The following QSOX2 variants were observed in gnomAD, a reference collection of about 807,000 sequenced individuals.
QSOX2 encodes quiescin sulfhydryl oxidase 2.
QSOX2 carries 46 observed loss-of-function variants against 61.7 expected under a neutral mutation model. That is an observed-to-expected ratio of 0.75 (90% CI 0.59 to 0.95). QSOX2 has a LOEUF of 0.95. QSOX2 is among the 40% of genes least tolerant of loss of function. QSOX2 has a pLI of 0.00. For missense variants in QSOX2, 879 were observed against 918.9 expected, an observed-to-expected ratio of 0.96 and a Z score of 0.56; for synonymous variants, 383 against 388.4, an observed-to-expected ratio of 0.99 and a Z score of 0.16.
At chr9:136,218,582 G>C in intron 8 of QSOX2, 97 bp downstream of exon 8, 1 of 1,411,722 alleles carries the variant, frequency 7.1e-7, no homozygotes, top group Non-Finnish European at 9.5e-7. Context: ...CACCTCAGCG[G>C]AGCTGGCGGA....
At position 136,211,347 on chromosome 9, in the gene QSOX2, T is replaced by C. The variant is rs1265090787; in HGVS notation, c.1466A>G (p.Glu489Gly). 6.2e-7 allele frequency: 1 copy of C among 1,614,066 alleles called. No homozygotes were observed. The highest frequency in any genetic ancestry group is 8.5e-7 in the Non-Finnish European group (1 of 1,180,050). ...TGGGGTTTTCACCGAGTCCATGGAT[T>C]CTTTAGCCATTTCCTCAAAGTGCTC... ...CGEHFEEMAK[E>G]SMDSVKTPDQ... is the part of the protein sequence containing the mutation. Residue 489 changes from glutamate to glycine, a missense_variant, in exon 11 of 12, where the codon GAA becomes GGA. By Grantham distance (98) the Glu-to-Gly change is moderately conservative (BLOSUM62 -2). Transcript: ENST00000358701.
In QSOX2 at chr9:136,207,221, CA is replaced by C. The variant is rs1831776272; in HGVS notation, c.*1506del. On this transcript the variant is annotated 3_prime_UTR_variant, in exon 12 of 12. Coordinates refer to ENST00000358701, the MANE Select transcript of QSOX2 (RefSeq NM_181701.4). ...AGAATCAGCTGTTGCCTTTTTTTCT[CA>C]AGCGACAACAATCACATCAATATTA... 1 of 152,238 alleles carries C rather than the reference CA, an allele frequency of 6.6e-6. No individual in the cohort carries two copies. Among genetic ancestry groups the C allele is most frequent in the Non-Finnish European group, 1.5e-5 (1 of 68,020 alleles). 9.4% of individuals were successfully genotyped at this position (152,238 alleles called of 1,614,324 possible).
At chr9:136,216,448 GCCA>G in intron 9 of QSOX2, 149 bp downstream of exon 9, 1 of 1,047,334 alleles carries the variant, frequency 9.5e-7, no homozygotes. Context: ...GGAGGCCATG[GCCA>G]TGATGCTGTC....
intron 11 of QSOX2, chr9:136,210,035 G>T (rs1223604010): frequency 3.0e-6 from 3 of 985,310 alleles, no homozygotes; most frequent in Admixed American, 6.1e-5. Flanking sequence ...TTGTCTGGGG[G>T]ACTTGAGACG....
At chr9:136,216,179 C>T (rs1439538930) in intron 9 of QSOX2, among the ~76,000 whole-genome samples, 1 of 152,196 alleles carries the variant, frequency 6.6e-6, no homozygotes, top group South Asian at 2.1e-4. Flanking sequence ...GGACGGAGTG[C>T]CAGGACCTCT....
At chr9:136,210,646 C>T in intron 11 of QSOX2, 1 of 985,446 alleles carries the variant, frequency 1.0e-6, no homozygotes, top group Non-Finnish European at 1.2e-6. Context: ...TTCTTTAGTG[C>T]TTCAGCTGTA....
At chr9:136,236,513 C>T (rs975608769) in intron 1 of QSOX2, among the ~76,000 whole-genome samples, 3 of 152,244 alleles carry the variant, frequency 2.0e-5, no homozygotes, top group African/African-American at 4.8e-5. Context: ...GAAGAGCCAG[C>T]GCTGCAGCAT....
intron 1 of QSOX2, among the ~76,000 whole-genome samples, chr9:136,231,639 G>A (rs1038029209): frequency 9.2e-5 from 14 of 152,220 alleles, no homozygotes; most frequent in Non-Finnish European, 1.9e-4. Context: ...CGGCAGAAGG[G>A]CAGTGCCCCT....
At chr9:136,245,293 C>G (rs1024732314) in intron 1 of QSOX2, among the ~76,000 whole-genome samples, 183 bp downstream of exon 1, 3 of 152,184 alleles carry the variant, frequency 2.0e-5, no homozygotes, top group Non-Finnish European at 2.9e-5. Flanking sequence ...CTTAGTCTCC[C>G]GCCCCTGGAA....
chr9:136,227,089 TCA>T (rs1425383636), intron 1 of QSOX2, among the ~76,000 whole-genome samples: 8 of 152,200 alleles, frequency 5.3e-5, no homozygotes, highest in African/African-American at 1.9e-4. Context: ...CCACAGATAG[TCA>T]CAGAACAAGC....
rs1741069107 is a variant in QSOX2, at chr9:136,221,796, A to G, written c.821T>C (p.Val274Ala). The G allele has an allele frequency of 6.3e-7, 1 of 1,598,192 alleles. No individual in the cohort carries two copies. Among genetic ancestry groups the G allele is most frequent in the African/African-American group, 1.3e-5 (1 of 74,512 alleles). ...TCCCAGACCCCACCCGGGCACTCACACGTTAATCAATCCATGCGACCCATT... is the reference window on the plus strand; with the variant it reads ...TCCCAGACCCCACCCGGGCACTCACGCGTTAATCAATCCATGCGACCCATT... ...YPNGSHGLIN[V>A]VKPLRAFFSS... is the part of the protein sequence containing the mutation. The change falls in exon 6 of 12, where the codon GTC becomes GCC. Residue 274 changes from valine (V) to alanine (A), a missense_variant and splice_region_variant. Physicochemically the swap from Val to Ala is moderately conservative, Grantham distance 64. Coordinates refer to ENST00000358701, the MANE Select transcript of QSOX2 (RefSeq NM_181701.4). The surrounding 1 kb of genome is among the most constrained non-coding windows in gnomAD (Gnocchi z 4.5).
intron 1 of QSOX2, among the ~76,000 whole-genome samples, chr9:136,239,570 G>T (rs936790850): frequency 6.6e-6 from 1 of 152,196 alleles, no homozygotes; most frequent in Non-Finnish European, 1.5e-5. Flanking sequence ...AATTCATCCC[G>T]GAGCGTGAAT....
chr9:136,240,732 A>G (rs1435383657), intron 1 of QSOX2, among the ~76,000 whole-genome samples: 1 of 152,212 alleles, frequency 6.6e-6, no homozygotes, highest in African/African-American at 2.4e-5. Flanking sequence ...GGCACACGCT[A>G]CGGTCGCCTC....
Position 136,223,983 on chromosome 9 carries a change from C to T in QSOX2, c.584+24G>A, listed in dbSNP as rs1342807501. The T allele has an allele frequency of 5.6e-6, 9 of 1,602,546 alleles. No homozygotes were observed. The highest frequency in any genetic ancestry group is 1.6e-4 in the Middle Eastern group (1 of 6,064). ...CACAGTTCAACACGAGTCTAACGGC[C>T]GCCTTCTTCATGGAGCTACTCACTG... On this transcript the variant is annotated intron_variant, in intron 4 of 11. Coordinates refer to ENST00000358701, the MANE Select transcript of QSOX2 (RefSeq NM_181701.4). This position sits in a 1 kb window ranked among gnomAD's most constrained non-coding sequence, Gnocchi z 4.4.
intron 1 of QSOX2, among the ~76,000 whole-genome samples, chr9:136,235,276 T>C (rs368276694): frequency 8.0e-4 from 122 of 152,294 alleles, no homozygotes; most frequent in African/African-American, 2.6e-3. Flanking sequence ...AGGACCAACA[T>C]GCCCACTCAA....
At chr9:136,215,023 G>T in intron 10 of QSOX2, 131 bp downstream of exon 10, 2 of 1,104,870 alleles carry the variant, frequency 1.8e-6, no homozygotes, top group Non-Finnish European at 1.2e-6. Flanking sequence ...AGTCTGAAGT[G>T]CCATTCCCCT....
chr9:136,230,922 C>G (rs1830323768), intron 1 of QSOX2, among the ~76,000 whole-genome samples: 1 of 152,208 alleles, frequency 6.6e-6, no homozygotes, highest in Non-Finnish European at 1.5e-5. Flanking sequence ...TTCCACTGAT[C>G]TGTTCCTGGT....
At chr9:136,241,074 G>A (rs372901095) in intron 1 of QSOX2, among the ~76,000 whole-genome samples, 1 of 152,178 alleles carries the variant, frequency 6.6e-6, no homozygotes, top group Non-Finnish European at 1.5e-5. Flanking sequence ...TGGGTCTCTC[G>A]GTGTAGTCTC....
At chr9:136,213,988 C>T (rs72773787) in intron 10 of QSOX2, among the ~76,000 whole-genome samples, 14,993 of 152,204 alleles carry the variant, frequency 0.099, 1,021 homozygotes, top group Admixed American at 0.18. Flanking sequence ...CTGCTTTAAG[C>T]CCCAGCATTT....
Sources: allele counts gnomAD v4.1 joint callset (sites outside exome capture counted in the v4.1 genomes callset), GRCh38; gene constraint gnomAD v4.1.1; non-coding constraint Gnocchi (gnomAD v3.1); transcripts MANE v1.5; gene names NCBI Gene and HGNC (gene_info 2026-07-23, HGNC 2026-07-21).